Variants in STAG1 observed in about 807,000 individuals in gnomAD.
STAG1 encodes STAG1 cohesin complex component.
STAG1 carries 26 observed loss-of-function variants against 170.9 expected under a neutral mutation model. The observed-to-expected ratio is 0.15, with a 90% CI of 0.11 to 0.21. The LOEUF (loss-of-function observed/expected upper bound fraction) is 0.21. Ranked by LOEUF, STAG1 falls within the 10% of genes least tolerant of loss-of-function variation. STAG1 has a pLI of 1.00. For synonymous variants in STAG1, 514 were observed against 497.7 expected (o/e 1.03, Z -0.44); for missense variants, 964 against 1,509.5 (o/e 0.64, Z 5.99).
At chr3:136,588,901 T>A (rs1937991435) in intron 4 of STAG1, among the ~76,000 whole-genome samples, 1 of 152,290 alleles carries the variant, frequency 6.6e-6, no homozygotes, top group East Asian at 1.9e-4. Flanking sequence ...TAGCTCGGAC[T>A]ACAGGCACGT....
intron 21 of STAG1, 87 bp downstream of exon 21, chr3:136,417,798 C>T (rs996076752): frequency 6.2e-6 from 6 of 971,228 alleles, no homozygotes; most frequent in Non-Finnish European, 6.5e-6. Context: ...TCGTCAATTA[C>T]TTTCTATAAA....
chr3:136,468,424 C>T (rs1272013223), intron 12 of STAG1, among the ~76,000 whole-genome samples: 3 of 152,148 alleles, frequency 2.0e-5, no homozygotes, highest in African/African-American at 7.2e-5. Context: ...GGATACATTC[C>T]TGGACACATA....
intron 21 of STAG1, among the ~76,000 whole-genome samples, chr3:136,412,717 A>G (rs2107713617): frequency 6.6e-6 from 1 of 152,344 alleles, no homozygotes; most frequent in East Asian, 1.9e-4. Flanking sequence ...TATACTCTTC[A>G]AAATGTCATG....
At chr3:136,487,809 A>G (rs180799528) in intron 9 of STAG1, among the ~76,000 whole-genome samples, 89 of 152,348 alleles carry the variant, frequency 5.8e-4, no homozygotes, top group African/African-American at 2.1e-3. Context: ...ATAATGTAGT[A>G]GAAATGAGGA....
chr3:136,377,117 C>T (rs1004480559), intron 23 of STAG1, among the ~76,000 whole-genome samples: 73 of 147,266 alleles, frequency 5.0e-4, no homozygotes, highest in Non-Finnish European at 3.5e-4. Context: ...GTCTACATTT[C>T]GGCCGGGCAC....
chr3:136,645,337 T>C (rs916241069), intron 1 of STAG1, among the ~76,000 whole-genome samples: 6 of 152,206 alleles, frequency 3.9e-5, no homozygotes, highest in African/African-American at 7.2e-5. Context: ...TTCCTGGTGC[T>C]AAACCTGCTT....
chr3:136,425,418 T>C (rs1478221724), intron 16 of STAG1, among the ~76,000 whole-genome samples: 1 of 152,136 alleles, frequency 6.6e-6, no homozygotes, highest in African/African-American at 2.4e-5. Context: ...CCTTTACCTA[T>C]TTGTGCAAAA....
At chr3:136,611,597 C>G (rs1202182135) in intron 3 of STAG1, among the ~76,000 whole-genome samples, 1 of 150,566 alleles carries the variant, frequency 6.6e-6, no homozygotes, top group East Asian at 2.0e-4. Flanking sequence ...CAAGCTTAAG[C>G]AATCCTCCAG....
rs1394539597 is a variant in STAG1, at chr3:136,633,721, G to T, written c.-83-2740C>A. ...CATATCAAAAAAAAAGGGGGGGGGGGGGGTCAGGGGCACAGATATTATAGG... is the reference window on the plus strand; with the variant it reads ...CATATCAAAAAAAAAGGGGGGGGGGTGGGTCAGGGGCACAGATATTATAGG... On this transcript the variant is annotated intron_variant, in intron 1 of 33. Transcript: ENST00000383202. Among the ~76,000 whole-genome samples, 70 of 135,008 alleles carry T rather than the reference G, an allele frequency of 5.2e-4. 1 individual carries two copies. The highest frequency in any genetic ancestry group is 2.2e-4 in the Non-Finnish European group (14 of 62,458). The allele number at this position is 135,008 out of a possible 152,430, so 88.6% of individuals were successfully genotyped here.
chr3:136,708,720 A>T (rs1251556023), intron 1 of STAG1, among the ~76,000 whole-genome samples: 1 of 152,180 alleles, frequency 6.6e-6, no homozygotes, highest in Non-Finnish European at 1.5e-5. Flanking sequence ...TGTTGGTATT[A>T]CTACTATATA....
chr3:136,688,404 T>C (rs1942610526), intron 1 of STAG1, among the ~76,000 whole-genome samples: 1 of 152,130 alleles, frequency 6.6e-6, no homozygotes, highest in African/African-American at 2.4e-5. Context: ...GTTTAATTTT[T>C]TTTTTCTTTT....
intron 12 of STAG1, among the ~76,000 whole-genome samples, chr3:136,466,582 G>A (rs1320303910): frequency 6.6e-6 from 1 of 152,182 alleles, no homozygotes; most frequent in Non-Finnish European, 1.5e-5. Flanking sequence ...ACACTCTGCA[G>A]GATATTATCC....
In STAG1 at chr3:136,547,134, T is replaced by C. The variant is rs141041928; in HGVS notation, c.395-4939A>G. Among the ~76,000 whole-genome samples, 454 of 152,332 alleles carry C rather than the reference T, an allele frequency of 3.0e-3. 2 individuals are homozygous for C. The highest frequency in any genetic ancestry group is 5.2e-3 in the Admixed American group (79 of 15,298). On this transcript the variant is annotated intron_variant, in intron 5 of 33. Transcript: ENST00000383202. The stretch of plus-strand genomic sequence containing the variant: ...GAATTCCTATAGCATTTTTAAAAAA[T>C]ATGCTTTCTATTTTAGAATAGTTTT...
At position 136,400,458 on chromosome 3, in the gene STAG1, C is replaced by T. The variant is rs561148157; in HGVS notation, c.2197-1629G>A. ...CTGGTCTCGAACTTCTGAGATCAGGCAATCTGCCCACCTCTGCCTCCCAAA... is the reference window on the plus strand; with the variant it reads ...CTGGTCTCGAACTTCTGAGATCAGGTAATCTGCCCACCTCTGCCTCCCAAA... On this transcript the variant is annotated intron_variant, in intron 21 of 33. Coordinates refer to ENST00000383202, the MANE Select transcript of STAG1 (RefSeq NM_005862.3). Among the ~76,000 whole-genome samples, 35 of 152,128 alleles carry T rather than the reference C, an allele frequency of 2.3e-4. No homozygotes were observed. The South Asian group carries it at 6.6e-3, about 29-fold the overall frequency.
chr3:136,485,716 C>G (rs567483802), intron 9 of STAG1, among the ~76,000 whole-genome samples: 86 of 152,252 alleles, frequency 5.6e-4, no homozygotes, highest in Middle Eastern at 3.4e-3. Context: ...CAGTGAATAT[C>G]AATTCCATCT....
At chr3:136,585,059 T>C (rs1937740263) in intron 4 of STAG1, among the ~76,000 whole-genome samples, 1 of 152,206 alleles carries the variant, frequency 6.6e-6, no homozygotes, top group Admixed American at 6.5e-5. Flanking sequence ...CAAATAATTA[T>C]ATGAACTGGA....
chr3:136,502,387 G>A (rs988278503), intron 8 of STAG1, among the ~76,000 whole-genome samples: 6 of 151,842 alleles, frequency 4.0e-5, no homozygotes, highest in Admixed American at 3.9e-4. Flanking sequence ...ACCTTTTTGA[G>A]TTGCCTAACT....
chr3:136,396,630 C>T lies in STAG1; in HGVS notation c.2277+2119G>A, dbSNP rs557966251. Among the ~76,000 whole-genome samples the T allele has an allele frequency of 4.5e-4, 64 of 142,832 alleles. 1 individual carries two copies. The South Asian group carries it at 9.8e-3, about 22-fold the overall frequency. The allele number at this position is 142,832 out of a possible 152,430, so 93.7% of individuals were successfully genotyped here. On this transcript the variant is annotated intron_variant, in intron 22 of 33. Coordinates refer to ENST00000383202, the MANE Select transcript of STAG1 (RefSeq NM_005862.3). ...GCAACCTCCGCCTCCCGAGTTCAAGCGATTCTTCTGCCTCAGCCTCCCAAG... is the reference window on the plus strand; with the variant it reads ...GCAACCTCCGCCTCCCGAGTTCAAGTGATTCTTCTGCCTCAGCCTCCCAAG...
chr3:136,580,072 A>G (rs1182433308), intron 4 of STAG1, among the ~76,000 whole-genome samples: 4 of 147,812 alleles, frequency 2.7e-5, no homozygotes, highest in African/African-American at 7.6e-5. Context: ...GGTTCAAGCA[A>G]TCCTCCTGTC....
Sources: allele counts gnomAD v4.1 joint callset (sites outside exome capture counted in the v4.1 genomes callset), GRCh38; gene constraint gnomAD v4.1.1; transcripts MANE v1.5; gene names NCBI Gene and HGNC (gene_info 2026-07-23, HGNC 2026-07-21).